Variants in EXTL3 observed in about 807,000 individuals in gnomAD.
The protein encoded by EXTL3 is exostosin-like 3.
Under a neutral mutation model 69.3 loss-of-function variants are expected in EXTL3, and 27 were observed. The observed-to-expected ratio is 0.39, with a 90% confidence interval of 0.29 to 0.54. The LOEUF is 0.54. Among genes scored for constraint, EXTL3 ranks in the 20% least tolerant of loss-of-function variants. The pLI is 0.69. For missense variants in EXTL3, 1,003 were observed against 1,231.8 expected (o/e 0.81, Z 2.78); for synonymous variants, 511 against 499.4 (o/e 1.02, Z -0.31).
chr8:28,719,128 G>A (rs962351729), intron 3 of EXTL3, among the ~76,000 whole-genome samples: 6 of 152,046 alleles, frequency 3.9e-5, no homozygotes, highest in Admixed American at 3.3e-4. Context: ...TAGAAGTCTC[G>A]GTTTTTAAAA....
chr8:28,630,872 G>A (rs1806561199), intron 1 of EXTL3, among the ~76,000 whole-genome samples: 1 of 152,230 alleles, frequency 6.6e-6, no homozygotes, highest in African/African-American at 2.4e-5. Context: ...GGAAATGTAT[G>A]CAGAAAGAAG....
intron 1 of EXTL3, among the ~76,000 whole-genome samples, chr8:28,681,320 G>A (rs1363072476): frequency 6.6e-6 from 1 of 151,162 alleles, no homozygotes; most frequent in Admixed American, 6.6e-5. Context: ...TTCCAGACCA[G>A]CCTGGCCAAC....
At chr8:28,652,931 C>T (rs897874307) in intron 1 of EXTL3, among the ~76,000 whole-genome samples, 1 of 152,174 alleles carries the variant, frequency 6.6e-6, no homozygotes, top group African/African-American at 2.4e-5. Flanking sequence ...CCATATACCT[C>T]TCACCTCCAC....
intron 1 of EXTL3, chr8:28,637,495 C>A (rs528888035): frequency 6.6e-6 from 1 of 152,344 alleles, no homozygotes; most frequent in African/African-American, 2.4e-5. Context: ...TTAGGGCCAA[C>A]CTTTAAATCT....
At chr8:28,660,732 C>T (rs1489913954) in intron 1 of EXTL3, among the ~76,000 whole-genome samples, 1 of 152,008 alleles carries the variant, frequency 6.6e-6, no homozygotes, top group East Asian at 1.9e-4. Flanking sequence ...ACTCCCACTC[C>T]ACTCTCTGCC....
chr8:28,635,392 TA>T (rs372980960), intron 1 of EXTL3, among the ~76,000 whole-genome samples: 3,402 of 114,300 alleles, frequency 0.03, 107 homozygotes, highest in African/African-American at 0.086. Context: ...ACTGGTCTCT[TA>T]AAAAAAAAAA....
At chr8:28,619,845 C>CTTTTTTT (rs56276866), upstream of EXTL3, among the ~76,000 whole-genome samples, 1 of 50,800 alleles carries the variant, frequency 2.0e-5, no homozygotes, top group Non-Finnish European at 3.8e-5. Flanking sequence ...GCTTCTGGTT[C>CTTTTTTT]TTTTTTTTTT....
chr8:28,619,312 A>G (rs184768), upstream of EXTL3, among the ~76,000 whole-genome samples: 1 of 118,212 alleles, frequency 8.5e-6, no homozygotes, highest in African/African-American at 3.3e-5. Flanking sequence ...AAAAAAAAAA[A>G]AAACCCTGTG....
intron 1 of EXTL3, among the ~76,000 whole-genome samples, chr8:28,703,787 T>TCC (rs1279368871): frequency 2.6e-5 from 4 of 152,228 alleles, no homozygotes; most frequent in African/African-American, 9.6e-5. Flanking sequence ...AACTGCCTAC[T>TCC]CCATTCGCTG....
chr8:28,658,203 T>G (rs1023603069), intron 1 of EXTL3, among the ~76,000 whole-genome samples: 1 of 151,702 alleles, frequency 6.6e-6, no homozygotes, highest in African/African-American at 2.4e-5. Context: ...GGACGGTGGG[T>G]GGGGGGGGTC....
upstream of EXTL3, chr8:28,697,517 T>C (rs1800702500): frequency 1.3e-5 from 2 of 152,126 alleles, no homozygotes; most frequent in South Asian, 4.1e-4. Flanking sequence ...CTTTTCCTAA[T>C]TTTTGGATGT....
intron 6 of EXTL3, among the ~76,000 whole-genome samples, chr8:28,747,377 G>A (rs1018006271): frequency 2.0e-5 from 3 of 152,134 alleles, no homozygotes; most frequent in Non-Finnish European, 4.4e-5. Context: ...CCAGAGACTC[G>A]GTTCTGAGGG....
In EXTL3 at chr8:28,636,011, C is replaced by T. The variant is rs139789228; in HGVS notation, c.-53+13201C>T. Among the ~76,000 whole-genome samples, 748 of 152,038 alleles carry T rather than the reference C, an allele frequency of 4.9e-3. 4 individuals carry two copies. The highest frequency in any genetic ancestry group is 0.016 in the African/African-American group (674 of 41,500). On this transcript the variant is annotated intron_variant, in intron 1 of 6. Coordinates refer to the EXTL3 transcript ENST00000523149. ...CTGGCATTACAGGCATGAGTCACTG[C>T]CCCCGGCCGAGGATAGAATTTGAAA... is the stretch of plus-strand genomic sequence containing the variant.
At chr8:28,610,095 C>T (rs1806251736) in intron 2 of EXTL3, among the ~76,000 whole-genome samples, 1 of 151,696 alleles carries the variant, frequency 6.6e-6, no homozygotes, top group South Asian at 2.1e-4. Context: ...CCCAGCTACT[C>T]GGGAGGCTGA....
rs553557676 is a variant in EXTL3, at chr8:28,624,423, C to T, written c.-53+1613C>T. Among the ~76,000 whole-genome samples, 16 of 152,042 alleles carry T rather than the reference C, an allele frequency of 1.1e-4. No individual in the cohort carries two copies. In the South Asian group the frequency reaches 3.1e-3, roughly 30 times the overall value. ...TACAAAAAATGAAAAAATTAGCCGGCATGGTAGTGAGCACCTGTGGTCTCA... is the reference window on the plus strand; with the variant it reads ...TACAAAAAATGAAAAAATTAGCCGGTATGGTAGTGAGCACCTGTGGTCTCA... On this transcript the variant is annotated intron_variant, in intron 1 of 6. Coordinates refer to the EXTL3 transcript ENST00000523149.
intron 3 of EXTL3, among the ~76,000 whole-genome samples, chr8:28,723,311 C>T (rs1452144398): frequency 6.6e-6 from 1 of 152,106 alleles, no homozygotes; most frequent in African/African-American, 2.4e-5. Flanking sequence ...TTCTCTTTGA[C>T]AACATTTTAC....
intron 6 of EXTL3, among the ~76,000 whole-genome samples, chr8:28,747,728 C>CTTTTTTTTT (rs71549697): frequency 8.0e-6 from 1 of 124,738 alleles, no homozygotes; most frequent in African/African-American, 3.1e-5. Context: ...TTTTCTTTTT[C>CTTTTTTTTT]TTTTTTTTTT....
At chr8:28,733,584 A>G in intron 4 of EXTL3, among the ~76,000 whole-genome samples, 1 of 138,580 alleles carries the variant, frequency 7.2e-6, no homozygotes, top group Admixed American at 7.4e-5. Context: ...TTTTGTACAG[A>G]TGGGTTCTCA....
At chr8:28,676,564 C>G (rs763819238) in intron 1 of EXTL3, among the ~76,000 whole-genome samples, 1 of 152,186 alleles carries the variant, frequency 6.6e-6, no homozygotes, top group Non-Finnish European at 1.5e-5. Flanking sequence ...ATTCTTAGGG[C>G]TCAGAGAAAG....
Sources: allele counts gnomAD v4.1 joint callset (sites outside exome capture counted in the v4.1 genomes callset), GRCh38; gene constraint gnomAD v4.1.1; transcripts MANE v1.5; gene names NCBI Gene and HGNC (gene_info 2026-07-23, HGNC 2026-07-21).